Variants in TCF12 observed in about 807,000 individuals in gnomAD.
TCF12 encodes the protein DNA-binding protein HTF4.
A neutral mutation model predicts 86.0 loss-of-function variants in TCF12; 45 were observed. That is an observed-to-expected ratio of 0.52 (90% CI 0.41 to 0.67). TCF12 has a LOEUF of 0.67. TCF12 is among the 30% of genes least tolerant of loss of function. The pLI is 0.00. For synonymous variants in TCF12, 330 were observed against 299.6 expected, an observed-to-expected ratio of 1.10 and a Z score of -1.05; for missense variants, 881 against 859.9, an observed-to-expected ratio of 1.02 and a Z score of -0.31.
At chr15:57,181,800 C>A (rs186707366) in intron 6 of TCF12, among the ~76,000 whole-genome samples, 1 of 152,124 alleles carries the variant, frequency 6.6e-6, no homozygotes, top group East Asian at 1.9e-4. Flanking sequence ...ATATAACTTA[C>A]TTATTGTAGA....
At chr15:57,172,201 G>A (rs2055558952) in intron 6 of TCF12, among the ~76,000 whole-genome samples, 2 of 152,080 alleles carry the variant, frequency 1.3e-5, no homozygotes, top group Admixed American at 1.3e-4. Flanking sequence ...AACAATGACA[G>A]ATGTGTATAC....
chr15:57,150,047 A>G (rs1250987893), intron 5 of TCF12, among the ~76,000 whole-genome samples: 1 of 152,036 alleles, frequency 6.6e-6, no homozygotes, highest in Admixed American at 6.6e-5. Flanking sequence ...AGTTACCCCC[A>G]CTCTCTCACT....
Position 56,942,209 on chromosome 15 carries a change from T to A in TCF12, c.148+21111T>A, listed in dbSNP as rs187308766. On this transcript the variant is annotated intron_variant, in intron 3 of 20. Coordinates refer to ENST00000333725, the MANE Select transcript of TCF12 (RefSeq NM_207037.2). ...TGATTCTAAGATGAGATAATTGGTATTTTTATGATTTGAATGGAGGCTTTG... is the reference window on the plus strand; with the variant it reads ...TGATTCTAAGATGAGATAATTGGTAATTTTATGATTTGAATGGAGGCTTTG... 2.0e-5 allele frequency among the ~76,000 whole-genome samples: 3 copies of A among 152,324 alleles called. No individual in the cohort carries two copies. The East Asian group carries it at 5.8e-4, about 29-fold the overall frequency.
chr15:56,987,558 T>G (rs2063255189), intron 3 of TCF12, among the ~76,000 whole-genome samples: 1 of 152,248 alleles, frequency 6.6e-6, no homozygotes, highest in Admixed American at 6.5e-5. Flanking sequence ...CTATTTTATT[T>G]GCATTTAAGA....
intron 4 of TCF12, among the ~76,000 whole-genome samples, chr15:57,082,932 T>C (rs1342494607): frequency 3.9e-5 from 6 of 152,144 alleles, no homozygotes; most frequent in Non-Finnish European, 8.8e-5. Context: ...CAATAGGGAA[T>C]TGGATAAATT....
intron 12 of TCF12, among the ~76,000 whole-genome samples, chr15:57,240,973 G>A (rs959125905): frequency 6.6e-6 from 1 of 150,630 alleles, no homozygotes; most frequent in African/African-American, 2.4e-5. Context: ...ATTTACTTAT[G>A]TGGTTGAAAT....
intron 3 of TCF12, among the ~76,000 whole-genome samples, chr15:57,007,592 T>C (rs1268955228): frequency 6.6e-6 from 1 of 152,180 alleles, no homozygotes; most frequent in Admixed American, 6.5e-5. Flanking sequence ...TTTCTTCCTT[T>C]GTAAAATGAA....
chr15:56,960,781 C>T (rs1033202547), intron 3 of TCF12, among the ~76,000 whole-genome samples: 4 of 152,050 alleles, frequency 2.6e-5, no homozygotes, highest in African/African-American at 9.7e-5. Flanking sequence ...CTTTCCCTCT[C>T]TTTAATCATG....
At chr15:57,241,524 T>C (rs1369835365) in intron 12 of TCF12, among the ~76,000 whole-genome samples, 1 of 152,224 alleles carries the variant, frequency 6.6e-6, no homozygotes, top group Admixed American at 6.5e-5. Flanking sequence ...AAATAGAGTA[T>C]ACAGTGTCTA....
chr15:57,015,339 A>G (rs2065092817), intron 3 of TCF12, among the ~76,000 whole-genome samples: 1 of 152,150 alleles, frequency 6.6e-6, no homozygotes, highest in Admixed American at 6.5e-5. Context: ...ACATAGTGCT[A>G]AGTCTCCCAC....
At chr15:56,989,716 A>G (rs146099878) in intron 3 of TCF12, among the ~76,000 whole-genome samples, 139 of 152,302 alleles carry the variant, frequency 9.1e-4, no homozygotes, top group Non-Finnish European at 1.6e-3. Context: ...AGTAAAGTAT[A>G]GTACTTTTTG....
intron 5 of TCF12, among the ~76,000 whole-genome samples, chr15:57,143,975 C>G (rs1380468795): frequency 1.3e-5 from 2 of 152,124 alleles, no homozygotes; most frequent in African/African-American, 2.4e-5. Context: ...GGAGGCTCTG[C>G]TTTTAGGCAG....
intron 6 of TCF12, among the ~76,000 whole-genome samples, chr15:57,183,834 A>G (rs2056505071): frequency 6.6e-6 from 1 of 152,104 alleles, no homozygotes; most frequent in Admixed American, 6.6e-5. Flanking sequence ...TTTGTTCAAG[A>G]TTACCAGTCA....
At chr15:56,929,513 T>A (rs933813417) in intron 3 of TCF12, among the ~76,000 whole-genome samples, 4 of 152,102 alleles carry the variant, frequency 2.6e-5, no homozygotes, top group African/African-American at 9.7e-5. Context: ...GTTTAAAATG[T>A]GCTCTCATGT....
chr15:57,045,982 G>A (rs1262600852), intron 3 of TCF12, among the ~76,000 whole-genome samples: 1 of 152,230 alleles, frequency 6.6e-6, no homozygotes, highest in African/African-American at 2.4e-5. Flanking sequence ...ATAAGCAGCA[G>A]ATGACTGCCT....
At chr15:57,283,562 G>T (rs2061793596) in intron 20 of TCF12, among the ~76,000 whole-genome samples, 1 of 152,224 alleles carries the variant, frequency 6.6e-6, no homozygotes, top group Non-Finnish European at 1.5e-5. Flanking sequence ...ACCTCGCCCA[G>T]CTGGTAACTT....
chr15:56,950,871 C>G (rs1342845326), intron 3 of TCF12, among the ~76,000 whole-genome samples: 1 of 150,840 alleles, frequency 6.6e-6, no homozygotes, highest in African/African-American at 2.4e-5. Flanking sequence ...ATTCTCGTGC[C>G]TCAGCCTCCC....
At chr15:57,192,349 C>G (rs2057026080) in intron 7 of TCF12, 56 bp downstream of exon 7, 9 of 1,580,876 alleles carry the variant, frequency 5.7e-6, no homozygotes, top group Admixed American at 1.8e-5. Context: ...GTTTTTTCCT[C>G]CCATAATCTG....
intron 3 of TCF12, among the ~76,000 whole-genome samples, chr15:56,973,228 G>C (rs1316189356): frequency 6.6e-6 from 1 of 152,210 alleles, no homozygotes; most frequent in East Asian, 1.9e-4. Context: ...GATGAGACAG[G>C]TGTGTACATA....
Sources: gnomAD v4.1 joint callset for allele counts (sites outside exome capture counted in the v4.1 genomes callset) on GRCh38, gnomAD v4.1.1 for gene constraint, MANE v1.5 for transcripts, NCBI Gene and HGNC (gene_info 2026-07-23, HGNC 2026-07-21) for gene names.